The following PTCH1 variants were observed in gnomAD, a reference collection of about 807,000 sequenced individuals.
PTCH1 encodes the protein protein patched homolog 1.
In PTCH1, 14 loss-of-function variants were observed where a neutral mutation model predicts 144.6. That is an observed-to-expected ratio of 0.10 (90% CI 0.06 to 0.15). The LOEUF (loss-of-function observed/expected upper bound fraction) is 0.15. PTCH1 is among the 10% of genes least tolerant of loss of function. The pLI, the probability that PTCH1 is intolerant of heterozygous loss-of-function variation, is 1.00. For synonymous variants in PTCH1, 833 were observed against 793.6 expected, an observed-to-expected ratio of 1.05 and a Z score of -0.83; for missense variants, 1,623 against 1,948.3, an observed-to-expected ratio of 0.83 and a Z score of 3.14.
chr9:95,492,285 A>AT (rs1224710778), intron 2 of PTCH1, among the ~76,000 whole-genome samples: 4 of 152,036 alleles, frequency 2.6e-5, no homozygotes, highest in African/African-American at 9.7e-5. Flanking sequence ...TGAACACATT[A>AT]TTTTTTTCAC....
Position 95,449,371 on chromosome 9 carries a change from C to T in PTCH1, c.3550-48G>A, listed in dbSNP as rs2136603836. 3.3e-6 allele frequency: 5 copies of T among 1,537,708 alleles called. No individual in the cohort carries two copies. The South Asian group carries it at 4.8e-5, about 15-fold the overall frequency. ...AAAAGTGTTCTTGTCCATTTACCTGCTGGCCACACTCAAAGCTCAAAGCAC... is the reference window on the plus strand; with the variant it reads ...AAAAGTGTTCTTGTCCATTTACCTGTTGGCCACACTCAAAGCTCAAAGCAC... On this transcript the variant is annotated intron_variant, in intron 21 of 23. Transcript: ENST00000331920. This position sits in a 1 kb window ranked among gnomAD's most constrained non-coding sequence, Gnocchi z 5.3.
rs777102110 is a variant in PTCH1, at chr9:95,516,686, T to C, written c.-215A>G. 7.4e-6 allele frequency: 12 copies of C among 1,613,304 alleles called. No individual in the cohort carries two copies. Among genetic ancestry groups the C allele is most frequent in the Non-Finnish European group, 1.0e-5 (12 of 1,179,712 alleles). On this transcript the variant is annotated 5_prime_UTR_variant, in exon 1 of 23. Coordinates refer to the PTCH1 transcript ENST00000430669. The stretch of plus-strand genomic sequence containing the variant: ...TTTCTTCTCCTCCGTTTTCTTCTTC[T>C]TCTTCTCCTCCTCCTCCGTCTTTAC...
intron 2 of PTCH1, 188 bp downstream of exon 2, chr9:95,506,219 T>A (rs984978058): frequency 1.6e-6 from 1 of 622,028 alleles, no homozygotes; most frequent in Non-Finnish European, 2.6e-6. Flanking sequence ...CCCGAGTAGA[T>A]TACAGCGCGG....
At chr9:95,478,289 T>A in intron 8 of PTCH1, 103 bp from the exon 9 acceptor site, 2 of 1,548,258 alleles carry the variant, frequency 1.3e-6, no homozygotes, top group Non-Finnish European at 1.8e-6. Flanking sequence ...TCTTTTTTTC[T>A]GATGCATTTT....
In PTCH1 at chr9:95,444,861, A is replaced by C. The variant is rs1837755414; in HGVS notation, c.*1532T>G. ...GAGGGAGCCCACACCTCAGAGCAAA[A>C]GAAGAGAACCAGTACAGAAGCAACT... is the stretch of plus-strand genomic sequence containing the variant. On this transcript the variant is annotated 3_prime_UTR_variant, in exon 24 of 24. Coordinates refer to ENST00000331920, the MANE Select transcript of PTCH1 (RefSeq NM_000264.5). The C allele has an allele frequency of 6.6e-6, 1 of 152,164 alleles. No individual in the cohort carries two copies. Among genetic ancestry groups the C allele is most frequent in the Non-Finnish European group, 1.5e-5 (1 of 68,050 alleles). 9.4% of individuals were successfully genotyped at this position (152,164 alleles called of 1,614,324 possible).
chr9:95,495,104 G>T, intron 2 of PTCH1: 1 of 152,344 alleles, frequency 6.6e-6, no homozygotes. Flanking sequence ...ATCTGTGCAG[G>T]GAGACTCACG....
upstream of PTCH1, among the ~76,000 whole-genome samples, chr9:95,512,615 T>A (rs1202149847): frequency 6.6e-6 from 1 of 152,152 alleles, no homozygotes; most frequent in East Asian, 1.9e-4. Flanking sequence ...TCTGCCCTTA[T>A]TTACATTTGT....
intron 2 of PTCH1, among the ~76,000 whole-genome samples, chr9:95,493,855 G>T (rs1220998731): frequency 6.6e-6 from 1 of 152,056 alleles, no homozygotes; most frequent in Non-Finnish European, 1.5e-5. Context: ...TTCACGGGCT[G>T]TGAATTTTAG....
rs1588600742 is a variant in PTCH1 at position 95,477,637 on chromosome 9, C to T, written c.1413G>A (p.Leu471=). Residue 471 remains leucine, a synonymous_variant, in exon 10 of 24, where the codon CTG becomes CTA. Transcript: ENST00000331920. The stretch of plus-strand genomic sequence containing the variant: ...ACAGTGCAACCAGCAGGACGCCAGC[C>T]AGCCCCACGGCACCCTGGGACTTGG... ...DCSKSQGAVG[L]AGVLLVALSV... is the part of the protein sequence containing the mutation. 1.2e-6 allele frequency: 2 copies of T among 1,614,112 alleles called. No individual in the cohort carries two copies. The highest frequency in any genetic ancestry group is 1.7e-5 in the Admixed American group (1 of 60,006).
chr9:95,498,603 C>T (rs1037881021), intron 2 of PTCH1, among the ~76,000 whole-genome samples: 24 of 151,674 alleles, frequency 1.6e-4, no homozygotes, highest in Admixed American at 1.5e-3. Flanking sequence ...TTCTGCTGTA[C>T]GGAAGGCATT....
At chr9:95,459,902 C>G (rs914797895) in intron 16 of PTCH1, 119 bp from the exon 17 acceptor site, 6 of 1,118,632 alleles carry the variant, frequency 5.4e-6, no homozygotes, top group Middle Eastern at 2.3e-4. Flanking sequence ...AGAATGCCTA[C>G]TGTTGAAAGT....
At chr9:95,481,877 A>G (rs1841561442) in intron 5 of PTCH1, 72 bp downstream of exon 5, 2 of 1,336,050 alleles carry the variant, frequency 1.5e-6, no homozygotes, top group African/African-American at 2.9e-5. Context: ...GGAACAAACA[A>G]TGATAAGCAA....
chr9:95,455,277 G>A (rs1385884781), intron 19 of PTCH1, among the ~76,000 whole-genome samples: 3 of 152,224 alleles, frequency 2.0e-5, no homozygotes, highest in African/African-American at 7.2e-5. Context: ...AAAGACTGCA[G>A]AAGGCACAAG....
At position 95,476,884 on chromosome 9, in the gene PTCH1, A is replaced by C. The variant is rs765663169; in HGVS notation, c.1504-27T>G. On this transcript the variant is annotated intron_variant, in intron 10 of 23. Coordinates refer to ENST00000331920, the MANE Select transcript of PTCH1 (RefSeq NM_000264.5). This position sits in a 1 kb window ranked among gnomAD's most constrained non-coding sequence, Gnocchi z 4.6. ...TACAGCAAAAACAGAGGATGGTGGC[A>C]TTAGACATGCGAGATGCAATTCAGA... 5.6e-6 allele frequency: 9 copies of C among 1,599,098 alleles called. No individual in the cohort carries two copies. The highest frequency in any genetic ancestry group is 7.7e-6 in the Non-Finnish European group (9 of 1,167,534).
At chr9:95,461,743 T>C in intron 16 of PTCH1, 113 bp downstream of exon 16, 1 of 1,430,814 alleles carries the variant, frequency 7.0e-7, no homozygotes, top group South Asian at 1.2e-5. Flanking sequence ...CAGCTCCCAG[T>C]GCCTTAGGTC....
intron 2 of PTCH1, among the ~76,000 whole-genome samples, chr9:95,489,148 A>T (rs1467330440): frequency 6.6e-6 from 1 of 152,138 alleles, no homozygotes; most frequent in African/African-American, 2.4e-5. Flanking sequence ...GGATAGAGCA[A>T]TTTTACTGAC....
At chr9:95,489,068 C>T (rs1052127047) in intron 2 of PTCH1, among the ~76,000 whole-genome samples, 1 of 152,226 alleles carries the variant, frequency 6.6e-6, no homozygotes, top group Admixed American at 6.5e-5. Context: ...GTGCACGACA[C>T]TCATATATTC....
intron 3 of PTCH1, chr9:95,482,901 A>G (rs1054379501): frequency 6.5e-6 from 1 of 152,890 alleles, no homozygotes; most frequent in African/African-American, 2.4e-5. Context: ...GTGAGACCCT[A>G]TCTCTATAAT....
intron 20 of PTCH1, chr9:95,450,179 GA>G (rs572458025): frequency 1.0e-3 from 523 of 507,954 alleles, no homozygotes; most frequent in Middle Eastern, 2.7e-3. Context: ...ATGAAGGGAA[GA>G]AAAAAAAAAT....
Sources: gnomAD v4.1 joint callset for allele counts (sites outside exome capture counted in the v4.1 genomes callset) on GRCh38, gnomAD v4.1.1 for gene constraint, Gnocchi (gnomAD v3.1) non-coding constraint, MANE v1.5 for transcripts, NCBI Gene and HGNC (gene_info 2026-07-23, HGNC 2026-07-21) for gene names.